The following DSG4 variants were observed in gnomAD, a reference collection of about 807,000 sequenced individuals.
DSG4 encodes desmoglein-4.
Under a neutral mutation model 93.1 loss-of-function variants are expected in DSG4, and 87 were observed. The ratio of observed to expected loss-of-function variants is 0.93; its 90% CI spans 0.79 to 1.12. The LOEUF (loss-of-function observed/expected upper bound fraction) is 1.12. Ranked by LOEUF, DSG4 falls within the 50% of genes most tolerant of loss-of-function variation. DSG4 has a pLI of 0.00. For missense variants in DSG4, 1,373 were observed against 1,285.7 expected (o/e 1.07, Z -1.04); for synonymous variants, 432 against 452.9 (o/e 0.95, Z 0.59).
rs766860724 is a variant in DSG4, at chr18:31,413,364, T to C, written c.2892T>C (p.Tyr964=). The C allele has an allele frequency of 3.7e-6, 6 of 1,614,044 alleles. No homozygotes were observed. Among genetic ancestry groups the C allele is most frequent in the South Asian group, 1.1e-5 (1 of 91,080 alleles). ...TAGCAGATTACAACAATGTAATCTA[T>C]GCTGAGAGAGTACTGGCTAGTCCTG... ...AELADYNNVI[Y]AERVLASPGV... The change falls in exon 16 of 16, where the codon TAT becomes TAC. Residue 964 remains tyrosine, a synonymous_variant. Coordinates refer to ENST00000308128, the MANE Select transcript of DSG4 (RefSeq NM_177986.5).
Position 31,376,904 on chromosome 18 carries a change from C to T in DSG4, c.-8C>T, listed in dbSNP as rs563541133. On this transcript the variant is annotated 5_prime_UTR_variant, in exon 1 of 16. Transcript: ENST00000308128. The stretch of plus-strand genomic sequence containing the variant: ...CACAGGATTTGCGTGCAAGAGAAAC[C>T]CAAAGGAATGGATTGGCTCTTCTTC... 44 of 1,613,508 alleles carry T rather than the reference C, an allele frequency of 2.7e-5. No homozygotes were observed. The South Asian group carries it at 3.5e-4, about 13-fold the overall frequency.
rs775262721 is a variant in DSG4, at chr18:31,401,011, G to A, written c.1408G>A (p.Ala470Thr). The change falls in exon 10 of 16, where the codon GCT (alanine) becomes ACT (threonine). Residue 470 changes from alanine (A) to threonine (T), a missense_variant. Ala to Thr is a moderately conservative substitution (Grantham distance 58). Transcript: ENST00000308128. ...INGIYTAEIL[A>T]IDDGSGKTAT... Reference sequence around the variant, plus strand: ...TGGGATATACACAGCAGAGATCCTGGCTATAGATGGTAAGAAAATTTATTT... The same window carrying A: ...TGGGATATACACAGCAGAGATCCTGACTATAGATGGTAAGAAAATTTATTT... 2 of 1,596,916 alleles carry A rather than the reference G, an allele frequency of 1.3e-6. No homozygotes were observed. The highest frequency in any genetic ancestry group is 2.2e-5 in the East Asian group (1 of 44,600).
intron 11 of DSG4, among the ~76,000 whole-genome samples, chr18:31,403,951 C>T (rs1234184523): frequency 3.3e-5 from 5 of 152,100 alleles, no homozygotes; most frequent in Non-Finnish European, 7.4e-5. Flanking sequence ...GAACCCTTAA[C>T]AAACTCATAA....
At position 31,406,338 on chromosome 18, in the gene DSG4, T is replaced by C. The variant is rs2072426630; in HGVS notation, c.1898T>C (p.Ile633Thr). 2.5e-6 allele frequency: 4 copies of C among 1,614,084 alleles called. No individual in the cohort carries two copies. Among genetic ancestry groups the C allele is most frequent in the South Asian group, 2.2e-5 (2 of 91,092 alleles). ...VSNVGLGPAG[I>T]GMMVLGILLL... ...AATGTTGGTCTTGGACCAGCAGGGA[T>C]TGGCATGATGGTTCTGGGCATCCTG... The change falls in exon 12 of 16, where the codon ATT becomes ACT. Residue 633 changes from isoleucine to threonine, a missense_variant. Ile to Thr is a moderately conservative substitution (Grantham distance 89). Coordinates refer to ENST00000308128, the MANE Select transcript of DSG4 (RefSeq NM_177986.5).
At chr18:31,405,798 C>G (rs1047526504) in intron 11 of DSG4, among the ~76,000 whole-genome samples, 1 of 151,924 alleles carries the variant, frequency 6.6e-6, no homozygotes, top group Non-Finnish European at 1.5e-5. Flanking sequence ...GTGGGAGAAT[C>G]ACTTAAACCT....
chr18:31,392,116 GA>G, intron 7 of DSG4, 38 bp from the exon 8 acceptor site: 1 of 1,600,122 alleles, frequency 6.2e-7, no homozygotes, highest in Non-Finnish European at 8.6e-7. Context: ...TTCTTCTTTT[GA>G]AAATTCATTG....
At chr18:31,388,232 A>G (rs2072209186) in intron 3 of DSG4, 135 bp from the exon 4 acceptor site, 2 of 969,846 alleles carry the variant, frequency 2.1e-6, no homozygotes, top group East Asian at 5.3e-5. Context: ...CCAGGGTCAC[A>G]CAGGACTAAG....
chr18:31,389,008 T>C lies in DSG4; in HGVS notation c.507T>C (p.Asn169=). The change falls in exon 5 of 16, where the codon AAT becomes AAC. Residue 169 remains asparagine, a synonymous_variant. Transcript: ENST00000308128. ...QSVYTASIEE[N]SDANTLVVKL... ...TATACACAGCCAGCATTGAAGAAAA[T>C]AGTGATGCCAGTAAGTAGAATGACA... 6.2e-7 allele frequency: 1 copy of C among 1,613,048 alleles called. No individual in the cohort carries two copies. Among genetic ancestry groups the C allele is most frequent in the South Asian group, 1.1e-5 (1 of 91,048 alleles).
At position 31,411,288 on chromosome 18, in the gene DSG4, T is replaced by C; in HGVS notation, c.2195T>C (p.Val732Ala). Reference protein sequence around the residue: ...GGTVEGGVSGVELNTGMGTAV... With the variant: ...GGTVEGGVSGAELNTGMGTAV... ...ACGGTGGAAGGAGGTGTATCGGGAG[T>C]GGAGCTCAACACAGGTATGGGGACA... Residue 732 changes from valine (V) to alanine (A), a missense_variant, in exon 15 of 16, where the codon GTG becomes GCG. Val to Ala is a moderately conservative substitution (Grantham distance 64, BLOSUM62 0). Coordinates refer to ENST00000308128, the MANE Select transcript of DSG4 (RefSeq NM_177986.5). 1 of 1,613,448 alleles carries C rather than the reference T, an allele frequency of 6.2e-7. No individual in the cohort carries two copies. The highest frequency in any genetic ancestry group is 8.5e-7 in the Non-Finnish European group (1 of 1,179,928).
At chr18:31,411,489 G>GAAT (rs756000303) in intron 15 of DSG4, 41 bp downstream of exon 15, 124 of 1,599,456 alleles carry the variant, frequency 7.8e-5, no homozygotes, top group Non-Finnish European at 1.0e-4. Context: ...TCTTGAGATT[G>GAAT]AATAATAATA....
intron 15 of DSG4, 35 bp from the exon 16 acceptor site, chr18:31,412,793 G>T: frequency 6.2e-7 from 1 of 1,611,892 alleles, no homozygotes; most frequent in Non-Finnish European, 8.5e-7. Flanking sequence ...TAGGGAAAAA[G>T]AAATTTCTAA....
intron 1 of DSG4, among the ~76,000 whole-genome samples, chr18:31,378,507 GT>G (rs2072101233): frequency 6.6e-6 from 1 of 152,156 alleles, no homozygotes; most frequent in Admixed American, 6.5e-5. Flanking sequence ...TAATTGAAGA[GT>G]TGATTCTTCT....
intron 15 of DSG4, among the ~76,000 whole-genome samples, chr18:31,412,457 C>G (rs1363729027): frequency 1.3e-5 from 2 of 152,056 alleles, no homozygotes; most frequent in Non-Finnish European, 2.9e-5. Context: ...GGTAGCACAA[C>G]AGGATTGCTA....
chr18:31,391,094 A>G lies in DSG4; in HGVS notation c.701A>G (p.Asn234Ser), dbSNP rs2144178858. The stretch of plus-strand genomic sequence containing the variant: ...TTGATTAAGCAACACAGTATGTACA[A>G]CCTGGTTGTGAGAGGCTCAGATCGG... ...FLDREQHSMY[N>S]LVVRGSDRDG... The change falls in exon 7 of 16, where the codon AAC becomes AGC. Residue 234 changes from asparagine to serine, a missense_variant. Physicochemically the swap from Asn to Ser is conservative, Grantham distance 46 (BLOSUM62 1). Coordinates refer to ENST00000308128, the MANE Select transcript of DSG4 (RefSeq NM_177986.5). The G allele has an allele frequency of 6.2e-7, 1 of 1,613,724 alleles. No homozygotes were observed. Among genetic ancestry groups the G allele is most frequent in the Non-Finnish European group, 8.5e-7 (1 of 1,179,732 alleles).
At chr18:31,406,814 A>G (rs895266777) in intron 12 of DSG4, among the ~76,000 whole-genome samples, 50 of 150,160 alleles carry the variant, frequency 3.3e-4, no homozygotes, top group African/African-American at 1.2e-3. Context: ...ATCTTGCTCT[A>G]TTGCCCAGGC....
rs201177179 is a variant in DSG4, at chr18:31,388,975, G to A, written c.474G>A (p.Ser158=). Reference sequence around the variant, plus strand: ...TAAATGATAACGCTCCAGTCTTTTCGCAAAGTGTATACACAGCCAGCATTG... The same window carrying A: ...TAAATGATAACGCTCCAGTCTTTTCACAAAGTGTATACACAGCCAGCATTG... ...MDINDNAPVF[S]QSVYTASIEE... is the part of the protein sequence containing the mutation. The change falls in exon 5 of 16, where the codon TCG becomes TCA. Residue 158 remains serine (S), a synonymous_variant. Coordinates refer to ENST00000308128, the MANE Select transcript of DSG4 (RefSeq NM_177986.5). 8.7e-6 allele frequency: 14 copies of A among 1,613,244 alleles called. No homozygotes were observed. Among genetic ancestry groups the A allele is most frequent in the African/African-American group, 5.3e-5 (4 of 74,832 alleles).
rs548077429 is a variant in DSG4 at position 31,388,394 on chromosome 18, A to G, written c.244A>G (p.Lys82Glu). The G allele has an allele frequency of 2.5e-6, 4 of 1,613,462 alleles. No individual in the cohort carries two copies. In the African/African-American group the frequency reaches 5.3e-5, roughly 22 times the overall value. ...TCGATCAGACTGCGAATCGAACCAG[A>G]AGATAACATACCGGATTTCTGGAGT... The part of the protein sequence containing the change: ...KIRSDCESNQ[K>E]ITYRISGVGI... Residue 82 changes from lysine (K) to glutamate (E), a missense_variant, in exon 4 of 16, where the codon AAG becomes GAG. Physicochemically the swap from Lys to Glu is moderately conservative, Grantham distance 56. Transcript: ENST00000308128.
rs963829216 is a variant in DSG4, at chr18:31,414,189, A to G, written c.*594A>G. ...AATATAATAAGAAAAGAGTTTGCCA[A>G]CTGAAAGCATGGCTGGAAATGGTTC... On this transcript the variant is annotated 3_prime_UTR_variant, in exon 16 of 16. Transcript: ENST00000308128. The G allele has an allele frequency of 1.3e-5, 2 of 152,206 alleles. No homozygotes were observed. The highest frequency in any genetic ancestry group is 4.8e-5 in the African/African-American group (2 of 41,460). 9.4% of individuals were successfully genotyped at this position (152,206 alleles called of 1,614,324 possible).
chr18:31,399,245 A>G (rs1598745315), intron 8 of DSG4, 27 bp from the exon 9 acceptor site: 2 of 1,613,424 alleles, frequency 1.2e-6, no homozygotes, highest in East Asian at 2.2e-5. Flanking sequence ...TTGCTGTTTC[A>G]GAGTTTTTTA....
Sources: gnomAD v4.1 joint callset for allele counts (sites outside exome capture counted in the v4.1 genomes callset) on GRCh38, gnomAD v4.1.1 for gene constraint, MANE v1.5 for transcripts, NCBI Gene and HGNC (gene_info 2026-07-23, HGNC 2026-07-21) for gene names.